Variants in MAPK10 observed in about 807,000 individuals in gnomAD.
MAPK10 encodes the protein JNK3 alpha protein kinase.
Under a neutral mutation model 59.3 loss-of-function variants are expected in MAPK10, and 25 were observed. The ratio of observed to expected loss-of-function variants is 0.42; its 90% CI spans 0.31 to 0.59. The LOEUF (loss-of-function observed/expected upper bound fraction) is 0.59, where lower values mean the gene tolerates loss of function less well. Among genes scored for constraint, MAPK10 ranks in the 20% least tolerant of loss-of-function variants. MAPK10 has a pLI of 0.15. For missense variants in MAPK10, 351 were observed against 568.9 expected (o/e 0.62, Z 3.90); for synonymous variants, 190 against 200.5 (o/e 0.95, Z 0.44).
intron 4 of MAPK10, among the ~76,000 whole-genome samples, chr4:86,121,858 A>G (rs2059309400): frequency 6.6e-6 from 1 of 152,086 alleles, no homozygotes; most frequent in South Asian, 2.1e-4. Flanking sequence ...GCTTTGACAA[A>G]CATCTCTCCA....
chr4:86,382,204 G>A (rs1210630681), intron 1 of MAPK10, among the ~76,000 whole-genome samples: 1 of 151,964 alleles, frequency 6.6e-6, no homozygotes, highest in Non-Finnish European at 1.5e-5. Context: ...ACCACCTGCT[G>A]TAGTCCATTT....
intron 2 of MAPK10, among the ~76,000 whole-genome samples, chr4:86,301,920 G>A (rs1053016849): frequency 5.3e-5 from 8 of 151,946 alleles, no homozygotes; most frequent in Admixed American, 2.0e-4. Flanking sequence ...TTCTGTATTC[G>A]AATGCTTTAC....
intron 1 of MAPK10, among the ~76,000 whole-genome samples, chr4:86,409,320 A>C (rs1449973904): frequency 6.6e-6 from 1 of 152,206 alleles, no homozygotes; most frequent in Non-Finnish European, 1.5e-5. Flanking sequence ...TTATAGTTTG[A>C]AGTCAGGTAG....
chr4:86,151,348 C>G (rs1291378254), intron 4 of MAPK10, among the ~76,000 whole-genome samples: 1 of 152,128 alleles, frequency 6.6e-6, no homozygotes, highest in Non-Finnish European at 1.5e-5. Context: ...TAACAGCCGC[C>G]TTGGGAAATG....
intron 2 of MAPK10, among the ~76,000 whole-genome samples, chr4:86,352,648 G>T (rs1196018249): frequency 6.6e-6 from 1 of 152,172 alleles, no homozygotes; most frequent in Non-Finnish European, 1.5e-5. Context: ...ATAGGGGTTT[G>T]CTGGGAGTCT....
chr4:86,164,388 G>C (rs1225243006), intron 3 of MAPK10: 1 of 152,038 alleles, frequency 6.6e-6, no homozygotes, highest in Non-Finnish European at 1.5e-5. Context: ...ACAAAACTTA[G>C]TGTCACGCTT....
intron 4 of MAPK10, among the ~76,000 whole-genome samples, chr4:86,134,734 C>A (rs2061589062): frequency 6.6e-6 from 1 of 152,182 alleles, no homozygotes; most frequent in South Asian, 2.1e-4. Context: ...GCGTGAGCGA[C>A]ACAGAAGACA....
At chr4:86,579,182 G>C (rs188586872) in intron 1 of MAPK10, among the ~76,000 whole-genome samples, 243 of 152,224 alleles carry the variant, frequency 1.6e-3, no homozygotes, top group African/African-American at 5.8e-3. Flanking sequence ...CAGTACATTG[G>C]ATCAGCAGAT....
intron 11 of MAPK10, among the ~76,000 whole-genome samples, chr4:86,035,392 A>AAAAAG (rs2040044748): frequency 6.6e-6 from 1 of 151,010 alleles, no homozygotes; most frequent in Non-Finnish European, 1.5e-5. Context: ...AAAAAAAAAA[A>AAAAAG]AAATGATCCA....
At chr4:86,300,269 C>T (rs896802749) in intron 2 of MAPK10, among the ~76,000 whole-genome samples, 1 of 152,096 alleles carries the variant, frequency 6.6e-6, no homozygotes, top group Non-Finnish European at 1.5e-5. Flanking sequence ...AAATGCTTCC[C>T]GCCCTTCTTT....
At chr4:86,023,754 C>T (rs1031421886) in intron 13 of MAPK10, among the ~76,000 whole-genome samples, 2 of 136,288 alleles carry the variant, frequency 1.5e-5, no homozygotes, top group Non-Finnish European at 3.2e-5. Context: ...ATACTGAGGA[C>T]TTATTTGAAT....
At chr4:86,124,802 C>T (rs1039693820) in intron 4 of MAPK10, 1 of 151,878 alleles carries the variant, frequency 6.6e-6, no homozygotes, top group Admixed American at 6.6e-5. Context: ...GGTGTAATTT[C>T]TAATTTCCAA....
intron 2 of MAPK10, among the ~76,000 whole-genome samples, chr4:86,318,304 G>GT (rs1181423113): frequency 1.3e-5 from 2 of 152,100 alleles, no homozygotes; most frequent in African/African-American, 4.8e-5. Context: ...ATATTCTCCA[G>GT]TGAGTTTTCG....
At chr4:86,174,996 A>C in intron 3 of MAPK10, among the ~76,000 whole-genome samples, 1 of 119,258 alleles carries the variant, frequency 8.4e-6, no homozygotes, top group African/African-American at 3.1e-5. Flanking sequence ...AATCACACTG[A>C]ATTTTACACC....
At chr4:86,396,737 G>C (rs973267398) in intron 1 of MAPK10, among the ~76,000 whole-genome samples, 45 of 152,096 alleles carry the variant, frequency 3.0e-4, no homozygotes, top group African/African-American at 8.9e-4. Context: ...GCTGGAGCAA[G>C]GGGTGGGGGG....
At chr4:86,294,331 C>T (rs928624579) in intron 2 of MAPK10, among the ~76,000 whole-genome samples, 1 of 152,162 alleles carries the variant, frequency 6.6e-6, no homozygotes, top group Non-Finnish European at 1.5e-5. Flanking sequence ...TTTGAGATAA[C>T]CCAACTTGAA....
chr4:86,389,555 T>C (rs1052144795), intron 1 of MAPK10, among the ~76,000 whole-genome samples: 2 of 152,188 alleles, frequency 1.3e-5, no homozygotes, highest in African/African-American at 4.8e-5. Context: ...CTTTACTGAC[T>C]GTTACTGTGA....
At chr4:86,246,034 T>C (rs1034867044) in intron 2 of MAPK10, among the ~76,000 whole-genome samples, 1 of 152,222 alleles carries the variant, frequency 6.6e-6, no homozygotes, top group African/African-American at 2.4e-5. Flanking sequence ...GTTAATCACA[T>C]GTTTTTCTAT....
At chr4:86,293,169 A>AAATTAAAAAATTAATT (rs2095272837) in intron 2 of MAPK10, among the ~76,000 whole-genome samples, 1 of 152,200 alleles carries the variant, frequency 6.6e-6, no homozygotes, top group Admixed American at 6.6e-5. Context: ...GTATTTGTAT[A>AAATTAAAAAATTAATT]AAAAAATTAA....
Sources: allele counts gnomAD v4.1 joint callset (sites outside exome capture counted in the v4.1 genomes callset), GRCh38; gene constraint gnomAD v4.1.1; transcripts MANE v1.5; gene names NCBI Gene and HGNC (gene_info 2026-07-23, HGNC 2026-07-21).